CCDC171: variants seen among roughly 807,000 people sequenced by gnomAD.
CCDC171 encodes the protein coiled-coil domain-containing protein 171.
In CCDC171, 177 loss-of-function variants were observed where a neutral mutation model predicts 168.2. That is an observed-to-expected ratio of 1.05 (90% CI 0.93 to 1.19). The LOEUF (loss-of-function observed/expected upper bound fraction) is 1.19, where lower values mean the gene tolerates loss of function less well. CCDC171 is among the 50% of genes most tolerant of loss of function. CCDC171 has a pLI of 0.00. For missense variants in CCDC171, 1,991 were observed against 1,539.0 expected (o/e 1.29, Z -4.91); for synonymous variants, 687 against 540.8 (o/e 1.27, Z -3.75).
At chr9:15,800,403 A>T (rs548888504) in intron 21 of CCDC171, among the ~76,000 whole-genome samples, 28 of 152,226 alleles carry the variant, frequency 1.8e-4, no homozygotes, top group African/African-American at 5.8e-4. Context: ...TGCTATTTGT[A>T]TGTCTTCTTT....
At chr9:16,042,224 A>T (rs764934686), upstream of CCDC171, among the ~76,000 whole-genome samples, 2 of 152,220 alleles carry the variant, frequency 1.3e-5, no homozygotes, top group African/African-American at 4.8e-5. Flanking sequence ...CATATAGTCA[A>T]GGAGGCAACC....
In CCDC171 at chr9:15,623,303, G is replaced by T; in HGVS notation, c.712G>T (p.Val238Leu). The T allele has an allele frequency of 1.9e-6, 3 of 1,599,410 alleles. No individual in the cohort carries two copies. Among genetic ancestry groups the T allele is most frequent in the South Asian group, 1.1e-5 (1 of 88,048 alleles). The change falls in exon 7 of 26, where the codon GTA (valine) becomes TTA (leucine). Residue 238 changes from valine to leucine, a missense_variant. Transcript: ENST00000380701. ...DTAVQNMHKKVEKLETEHMDC... is the reference protein window; with the variant it reads ...DTAVQNMHKKLEKLETEHMDC... ...TGCTGTGCAAAATATGCATAAGAAA[G>T]TAGAAAAATTAGAAACAGAACATAT... is the stretch of plus-strand genomic sequence containing the variant.
rs927914468 is a variant in CCDC171 at position 15,784,669 on chromosome 9, A to G, written c.3242A>G (p.Asn1081Ser). 1.2e-6 allele frequency: 2 copies of G among 1,612,944 alleles called. No individual in the cohort carries two copies. The highest frequency in any genetic ancestry group is 3.3e-5 in the Admixed American group (2 of 59,920). The change falls in exon 21 of 26, where the codon AAC becomes AGC. Residue 1081 changes from asparagine to serine, a missense_variant. Coordinates refer to ENST00000380701, the MANE Select transcript of CCDC171 (RefSeq NM_173550.4). ...CACTCCAGTGAGGAAGCTGACAAAA[A>G]CCAAACTCTTGGAGAAGCTGTTAAG... ...ELHSSEEADK[N>S]QTLGEAVKSL...
At chr9:15,573,824 G>A (rs1170526104) in intron 3 of CCDC171, among the ~76,000 whole-genome samples, 2 of 151,970 alleles carry the variant, frequency 1.3e-5, no homozygotes, top group African/African-American at 2.4e-5. Context: ...ACTTTGGGAG[G>A]CCAAGGCAGG....
At chr9:15,879,095 C>A (rs1241536041) in intron 24 of CCDC171, among the ~76,000 whole-genome samples, 3 of 152,088 alleles carry the variant, frequency 2.0e-5, no homozygotes, top group African/African-American at 7.2e-5. Flanking sequence ...AACAAGCCTG[C>A]ATATTTACCT....
chr9:15,992,992 T>C lies in CCDC171; in HGVS notation n.369-27597T>C, dbSNP rs1197757470. On this transcript the variant is annotated intron_variant and non_coding_transcript_variant, in intron 3 of 9. Transcript: ENST00000486641. ...ATTCCATGCTCATGGATAGGAAGAA[T>C]CAATATCATGAAAATGGCCATACTT... Among the ~76,000 whole-genome samples the C allele has an allele frequency of 3.3e-5, 5 of 152,206 alleles. No individual in the cohort carries two copies. The East Asian group carries it at 9.7e-4, about 29-fold the overall frequency.
intron 10 of CCDC171, among the ~76,000 whole-genome samples, chr9:15,692,214 A>C (rs536741961): frequency 6.6e-6 from 1 of 152,204 alleles, no homozygotes; most frequent in African/African-American, 2.4e-5. Context: ...TGTCTCTACC[A>C]AAAACACAAA....
At chr9:15,739,740 ATTTTT>A (rs3082820) in intron 16 of CCDC171, among the ~76,000 whole-genome samples, 1 of 146,172 alleles carries the variant, frequency 6.8e-6, no homozygotes, top group African/African-American at 2.5e-5. Flanking sequence ...TGTAATACCA[ATTTTT>A]TTTTTTTTTT....
intron 21 of CCDC171, among the ~76,000 whole-genome samples, chr9:15,828,472 T>C (rs918681018): frequency 6.6e-6 from 1 of 152,322 alleles, no homozygotes; most frequent in East Asian, 1.9e-4. Context: ...TTTTGCTTAT[T>C]GTATATTTTT....
intron 4 of CCDC171, among the ~76,000 whole-genome samples, chr9:15,586,822 T>C (rs1422891859): frequency 1.3e-5 from 2 of 152,010 alleles, no homozygotes; most frequent in African/African-American, 2.4e-5. Flanking sequence ...TATTATTACT[T>C]TTAGAGACAG....
chr9:15,747,700 C>G (rs183490343), intron 18 of CCDC171, among the ~76,000 whole-genome samples: 1 of 152,284 alleles, frequency 6.6e-6, no homozygotes, highest in East Asian at 1.9e-4. Flanking sequence ...GGAATAGCAT[C>G]AACATCAACA....
rs543305289 is a variant in CCDC171, at chr9:15,690,422, C to T, written c.1216-4813C>T. On this transcript the variant is annotated intron_variant, in intron 10 of 25. Coordinates refer to ENST00000380701, the MANE Select transcript of CCDC171 (RefSeq NM_173550.4). Reference sequence around the variant, plus strand: ...TTAGTATATGATAATGTTTGTATGCCAAATCAATGTTTAGAGATAGATTAT... The same window carrying T: ...TTAGTATATGATAATGTTTGTATGCTAAATCAATGTTTAGAGATAGATTAT... Among the ~76,000 whole-genome samples the T allele has an allele frequency of 3.9e-5, 6 of 151,946 alleles. No individual in the cohort carries two copies. In the South Asian group the frequency reaches 8.3e-4, roughly 21 times the overall value.
intron 16 of CCDC171, among the ~76,000 whole-genome samples, chr9:15,736,495 G>A (rs1345882558): frequency 1.3e-5 from 2 of 151,440 alleles, no homozygotes; most frequent in Non-Finnish European, 3.0e-5. Context: ...GGACTACAGG[G>A]CACGCCACCA....
intron 1 of CCDC171, among the ~76,000 whole-genome samples, chr9:15,558,465 G>A (rs924673666): frequency 6.6e-6 from 1 of 151,950 alleles, no homozygotes; most frequent in Admixed American, 6.6e-5. Flanking sequence ...GTCTTGGGTG[G>A]GTGTATGTGT....
At chr9:15,991,157 A>T (rs1832183140) in intron 3 of CCDC171, among the ~76,000 whole-genome samples, 1 of 152,234 alleles carries the variant, frequency 6.6e-6, no homozygotes, top group Admixed American at 6.5e-5. Flanking sequence ...TTATTCCAAA[A>T]TTGACCACAT....
chr9:15,833,288 G>A (rs1389601828), intron 21 of CCDC171, among the ~76,000 whole-genome samples: 2 of 151,948 alleles, frequency 1.3e-5, no homozygotes, highest in Admixed American at 6.6e-5. Context: ...CACCACACCC[G>A]GCCTCATTAT....
At chr9:15,625,447 T>C (rs562731809) in intron 7 of CCDC171, among the ~76,000 whole-genome samples, 7 of 152,354 alleles carry the variant, frequency 4.6e-5, no homozygotes, top group South Asian at 2.1e-4. Context: ...TTTATGGTTT[T>C]AGGTCTAACA....
At position 15,751,787 on chromosome 9, in the gene CCDC171, AC is replaced by A. The variant is rs545996171; in HGVS notation, c.2671+6158del. Among the ~76,000 whole-genome samples, 163 of 152,330 alleles carry A rather than the reference AC, an allele frequency of 1.1e-3. 1 individual carries two copies. Among genetic ancestry groups the A allele is most frequent in the African/African-American group, 3.8e-3 (160 of 41,576 alleles). ...GATGGACTAAAGACTTAAATGTAAGACCTAAAACCATAAAAACGCTAGAAGA... is the reference window on the plus strand; with the variant it reads ...GATGGACTAAAGACTTAAATGTAAGACTAAAACCATAAAAACGCTAGAAGA... On this transcript the variant is annotated intron_variant, in intron 18 of 25. Coordinates refer to ENST00000380701, the MANE Select transcript of CCDC171 (RefSeq NM_173550.4).
intron 2 of CCDC171, among the ~76,000 whole-genome samples, chr9:15,570,238 T>C (rs933467615): frequency 7.2e-5 from 11 of 152,150 alleles, no homozygotes; most frequent in Non-Finnish European, 1.2e-4. Flanking sequence ...CCCAAAGTGC[T>C]TGGAGGCCAG....
Sources: allele counts gnomAD v4.1 joint callset (sites outside exome capture counted in the v4.1 genomes callset), GRCh38; gene constraint gnomAD v4.1.1; transcripts MANE v1.5; gene names NCBI Gene and HGNC (gene_info 2026-07-23, HGNC 2026-07-21).